MYO1C: variants seen among roughly 807,000 people sequenced by gnomAD.
MYO1C encodes the protein myosin IC.
Under a neutral mutation model 150.8 loss-of-function variants are expected in MYO1C, and 104 were observed. That is an observed-to-expected ratio of 0.69 (90% CI 0.59 to 0.81). The LOEUF (loss-of-function observed/expected upper bound fraction) is 0.81, where lower values mean the gene tolerates loss of function less well. Ranked by LOEUF, MYO1C falls within the 30% of genes least tolerant of loss-of-function variation. MYO1C has a pLI of 0.00. For synonymous variants in MYO1C, 663 were observed against 579.9 expected (o/e 1.14, Z -2.06); for missense variants, 1,504 against 1,435.0 (o/e 1.05, Z -0.78).
intron 25 of MYO1C, chr17:1,468,800 G>A (rs9898240): frequency 0.011 from 5,462 of 500,384 alleles, 220 homozygotes; most frequent in African/African-American, 0.097. Context: ...CCAGCTTGGG[G>A]TCTTGTAAGC....
intron 2 of MYO1C, among the ~76,000 whole-genome samples, 166 bp from the exon 3 acceptor site, chr17:1,483,891 A>G (rs1475513737): frequency 1.3e-5 from 2 of 151,934 alleles, no homozygotes; most frequent in Non-Finnish European, 2.9e-5. Context: ...AAAAATACAA[A>G]ATTAGCCGGG....
intron 1 of MYO1C, chr17:1,492,130 G>T: frequency 2.1e-6 from 1 of 475,086 alleles, no homozygotes; most frequent in Non-Finnish European, 3.9e-6. Flanking sequence ...CACAGCAGCC[G>T]GCACTTGCCT....
chr17:1,469,585 T>C lies in MYO1C; in HGVS notation c.2556A>G (p.Ile852Met), dbSNP rs372983448. 4.3e-6 allele frequency: 7 copies of C among 1,613,162 alleles called. No individual in the cohort carries two copies. The African/African-American group carries it at 6.7e-5, about 15-fold the overall frequency. Reference sequence around the variant, plus strand: ...GGCAGTATTTCCACACCATGTTCTTTATGCACAACTCCCGCAGAAGCTCTG... The same window carrying C: ...GGCAGTATTTCCACACCATGTTCTTCATGCACAACTCCCGCAGAAGCTCTG... ...EASELLRELC[I>M]KNMVWKYCRS... The change falls in exon 25 of 32, where the codon ATA becomes ATG. Residue 852 changes from isoleucine (I) to methionine (M), a missense_variant. By Grantham distance (10) the Ile-to-Met change is conservative. Coordinates refer to ENST00000648651, the MANE Select transcript of MYO1C (RefSeq NM_001080779.2).
intron 21 of MYO1C, 150 bp downstream of exon 21, chr17:1,470,921 G>C (rs1346301504): frequency 2.0e-6 from 2 of 997,700 alleles, no homozygotes; most frequent in East Asian, 5.2e-5. Context: ...GTCGGCCATT[G>C]GACTCTCTGG....
chr17:1,483,317 C>T (rs938743661), intron 3 of MYO1C, among the ~76,000 whole-genome samples: 25 of 132,194 alleles, frequency 1.9e-4, no homozygotes, highest in Middle Eastern at 4.2e-3. Context: ...GAGTCACTCA[C>T]GGGTAGGGCT....
rs7222837 is a variant in MYO1C at position 1,484,655 on chromosome 17, A to T, written c.76-352T>A. Reference sequence around the variant, plus strand: ...GGAGGTGCTGGTTTTGGGTGGAGAAAGGGGGGGTCACAAGAAGGAACTCCT... The same window carrying T: ...GGAGGTGCTGGTTTTGGGTGGAGAATGGGGGGGTCACAAGAAGGAACTCCT... On this transcript the variant is annotated intron_variant, in intron 1 of 31. Coordinates refer to ENST00000648651, the MANE Select transcript of MYO1C (RefSeq NM_001080779.2). 404 of 467,138 alleles carry T rather than the reference A, an allele frequency of 8.6e-4. 3 individuals carry two copies. The highest frequency in any genetic ancestry group is 7.2e-3 in the African/African-American group (363 of 50,644). The allele number at this position is 467,138 out of a possible 1,614,324, so 28.9% of individuals were successfully genotyped here.
chr17:1,476,683 C>T (rs890601605), intron 14 of MYO1C, among the ~76,000 whole-genome samples: 6 of 152,282 alleles, frequency 3.9e-5, no homozygotes, highest in East Asian at 3.9e-4. Context: ...TGCATCAGAC[C>T]GCGCTGGACA....
chr17:1,491,561 G>GC, intron 1 of MYO1C: 1 of 919,484 alleles, frequency 1.1e-6, no homozygotes, highest in Non-Finnish European at 1.3e-6. Flanking sequence ...CCCCACACCC[G>GC]CCCCCCGCGG....
rs2074200968 is a variant in MYO1C at position 1,467,561 on chromosome 17, T to C, written c.2984A>G (p.Gln995Arg). ...CAGCGTCTCAATCACGTGGTCACTC[T>C]GCAGCACCACATCTCCCTGGGGGGC... ...DNKQKGDVVLQSDHVIETLTK... is the reference protein window; with the variant it reads ...DNKQKGDVVLRSDHVIETLTK... The change falls in exon 30 of 32, where the codon CAG (glutamine) becomes CGG (arginine). Residue 995 changes from glutamine (Q) to arginine (R), a missense_variant. Transcript: ENST00000648651. 2 of 1,613,414 alleles carry C rather than the reference T, an allele frequency of 1.2e-6. No individual in the cohort carries two copies. The highest frequency in any genetic ancestry group is 1.1e-5 in the South Asian group (1 of 91,034).
chr17:1,468,839 G>A (rs2074236631), intron 25 of MYO1C: 3 of 426,684 alleles, frequency 7.0e-6, no homozygotes, highest in Admixed American at 7.2e-5. Flanking sequence ...AAGGTTACTG[G>A]GTGGGCCCTT....
At chr17:1,474,496 A>T in intron 17 of MYO1C, 114 bp downstream of exon 17, 2 of 1,049,776 alleles carry the variant, frequency 1.9e-6, no homozygotes, top group Non-Finnish European at 2.9e-6. Context: ...ACACCTGCAG[A>T]TGTGCACGGG....
intron 14 of MYO1C, 30 bp downstream of exon 14, chr17:1,477,475 T>A (rs2074422572): frequency 2.5e-6 from 4 of 1,599,818 alleles, no homozygotes; most frequent in Non-Finnish European, 2.6e-6. Context: ...AGTGAGCCCT[T>A]GCCCCCAGCA....
At chr17:1,474,493 C>T in intron 17 of MYO1C, 117 bp downstream of exon 17, 1 of 1,026,740 alleles carries the variant, frequency 9.7e-7, no homozygotes, top group Non-Finnish European at 1.5e-6. Context: ...CAGACACCTG[C>T]AGATGTGCAC....
Position 1,478,451 on chromosome 17 carries a change from C to A in MYO1C, c.1254G>T (p.Gly418=). 1 of 1,614,200 alleles carries A rather than the reference C, an allele frequency of 6.2e-7. No individual in the cohort carries two copies. The highest frequency in any genetic ancestry group is 8.5e-7 in the Non-Finnish European group (1 of 1,180,040). ...SPSWRSTTVL[G]LLDIYGFEVF... ...CTTCAAAGCCATAAATATCCAGGAG[C>A]CCGAGAACCGTGGTGCTCCGCCAGC... Residue 418 remains glycine, a synonymous_variant, in exon 11 of 32, where the codon GGG becomes GGT. Transcript: ENST00000648651. The surrounding 1 kb of genome is among the most constrained non-coding windows in gnomAD (Gnocchi z 6.3).
Position 1,477,507 on chromosome 17 carries a change from C to G in MYO1C, c.1572G>C (p.Leu524=), listed in dbSNP as rs377492513. Reference sequence around the variant, plus strand: ...AGCAGCCCCGCAGCCCCACTCACGTCAGGAAGTGTGGATGGTGCTTGACAG... The same window carrying G: ...AGCAGCCCCGCAGCCCCACTCACGTGAGGAAGTGTGGATGGTGCTTGACAG... ...EDTVKHHPHF[L]THKLADQRTR... is the part of the protein sequence containing the mutation. The change falls in exon 14 of 32, where the codon CTG becomes CTC. Residue 524 remains leucine (L), a splice_region_variant and synonymous_variant. Coordinates refer to ENST00000648651, the MANE Select transcript of MYO1C (RefSeq NM_001080779.2). 6.5e-5 allele frequency: 105 copies of G among 1,613,658 alleles called. No individual in the cohort carries two copies. In the Middle Eastern group the frequency reaches 1.2e-3, roughly 18 times the overall value.
intron 1 of MYO1C, among the ~76,000 whole-genome samples, chr17:1,487,646 G>A (rs2074680033): frequency 6.6e-6 from 1 of 152,212 alleles, no homozygotes; most frequent in Admixed American, 6.5e-5. Context: ...GGCCGGGCGC[G>A]GTGGCTCACG....
intron 17 of MYO1C, among the ~76,000 whole-genome samples, chr17:1,473,750 T>C (rs1012356234): frequency 6.6e-6 from 1 of 152,174 alleles, no homozygotes; most frequent in African/African-American, 2.4e-5. Flanking sequence ...ATGGCCTTTT[T>C]AGACTCTCTG....
intron 18 of MYO1C, 43 bp from the exon 19 acceptor site, chr17:1,472,067 G>C (rs763105085): frequency 1.2e-6 from 2 of 1,607,914 alleles, no homozygotes; most frequent in East Asian, 2.2e-5. Context: ...TGGCGCTGAC[G>C]GCCTGTCTCC....
At position 1,465,490 on chromosome 17, in the gene MYO1C, T is replaced by C; in HGVS notation, c.*236A>G. ...TTTGGCATCGGCAGTAGGGCTGGCATGGCTCGCTCTGGCCCTGGCTTTCCT... is the reference window on the plus strand; with the variant it reads ...TTTGGCATCGGCAGTAGGGCTGGCACGGCTCGCTCTGGCCCTGGCTTTCCT... On this transcript the variant is annotated 3_prime_UTR_variant, in exon 32 of 32. Transcript: ENST00000648651. 3 of 401,692 alleles carry C rather than the reference T, an allele frequency of 7.5e-6. No homozygotes were observed. The highest frequency in any genetic ancestry group is 4.4e-6 in the Non-Finnish European group (1 of 228,336). The allele number at this position is 401,692 out of a possible 1,614,324, so 24.9% of individuals were successfully genotyped here.
Sources: allele counts gnomAD v4.1 joint callset (sites outside exome capture counted in the v4.1 genomes callset), GRCh38; gene constraint gnomAD v4.1.1; non-coding constraint Gnocchi (gnomAD v3.1); transcripts MANE v1.5; gene names NCBI Gene and HGNC (gene_info 2026-07-23, HGNC 2026-07-21).